GLB1: variants seen among roughly 807,000 people sequenced by gnomAD.
GLB1 encodes beta-galactosidase.
A neutral mutation model predicts 74.0 loss-of-function variants in GLB1; 56 were observed. The ratio of observed to expected loss-of-function variants is 0.76; its 90% CI spans 0.61 to 0.94. The LOEUF is 0.94. GLB1 is among the 40% of genes least tolerant of loss of function. The pLI is 0.00. For synonymous variants in GLB1, 323 were observed against 323.6 expected, an observed-to-expected ratio of 1.00 and a Z score of 0.02; for missense variants, 787 against 845.5, an observed-to-expected ratio of 0.93 and a Z score of 0.86.
chr3:32,985,104 CAAA>C, the GLB1 span, among the ~76,000 whole-genome samples: 1 of 61,982 alleles, frequency 1.6e-5, no homozygotes. Flanking sequence ...AACTCTGTCT[CAAA>C]AAAAAAAAAA....
chr3:32,971,934 AT>A, the GLB1 span, among the ~76,000 whole-genome samples: 1 of 152,218 alleles, frequency 6.6e-6, no homozygotes. Flanking sequence ...CAATCGAGCC[AT>A]CCTTCTTTCT....
chr3:33,029,632 C>T (rs532311589), intron 10 of GLB1, among the ~76,000 whole-genome samples: 6 of 152,208 alleles, frequency 3.9e-5, no homozygotes, highest in African/African-American at 1.4e-4. Flanking sequence ...AAAAAAGAAA[C>T]AAGATCATGT....
intron 9 of GLB1, among the ~76,000 whole-genome samples, chr3:33,048,165 T>A (rs1388939470): frequency 6.6e-6 from 1 of 152,058 alleles, no homozygotes; most frequent in Non-Finnish European, 1.5e-5. Context: ...GGTTGCCAGG[T>A]TGAGTTGGGA....
intron 5 of GLB1, among the ~76,000 whole-genome samples, chr3:33,060,392 T>C (rs1278930146): frequency 6.6e-6 from 1 of 152,254 alleles, no homozygotes; most frequent in African/African-American, 2.4e-5. Flanking sequence ...AGATAAATGC[T>C]AAGAAAAGCT....
At chr3:33,049,724 T>C (rs988741638) in intron 9 of GLB1, among the ~76,000 whole-genome samples, 1 of 152,154 alleles carries the variant, frequency 6.6e-6, no homozygotes, top group Non-Finnish European at 1.5e-5. Context: ...CCTGGTCACC[T>C]AGGTATTAAG....
intron 15 of GLB1, among the ~76,000 whole-genome samples, chr3:33,000,131 G>A (rs980346118): frequency 2.6e-5 from 4 of 151,206 alleles, no homozygotes; most frequent in Admixed American, 2.6e-4. Flanking sequence ...TAGAGATGAG[G>A]TTTCGCCATG....
chr3:33,002,350 TTCCTTCCTTCCTTCCA>T (rs1696612031), intron 15 of GLB1, among the ~76,000 whole-genome samples: 1 of 43,798 alleles, frequency 2.3e-5, no homozygotes, highest in Admixed American at 2.9e-4. Context: ...CCTCCCTCCC[TTCCTTCCTTCCTTCCA>T]TCCTTCCTTC....
intron 1 of GLB1, among the ~76,000 whole-genome samples, chr3:33,089,743 G>A (rs1346692623): frequency 1.3e-5 from 2 of 152,168 alleles, no homozygotes; most frequent in African/African-American, 4.8e-5. Flanking sequence ...GTCACCAGGG[G>A]CTGGAGGAAG....
In GLB1 at chr3:33,014,146, G is replaced by A. The variant is rs761482093; in HGVS notation, c.1644C>T (p.Leu548=). The A allele has an allele frequency of 5.6e-6, 9 of 1,614,094 alleles. No individual in the cohort carries two copies. The highest frequency in any genetic ancestry group is 1.3e-5 in the African/African-American group (1 of 74,938). Residue 548 remains leucine, a synonymous_variant, in exon 15 of 16, where the codon CTC becomes CTT. Transcript: ENST00000307363. The part of the protein sequence containing the change: ...AWAHNSSNYT[L]PAFYMGNFSI... ...AGAAGTTCCCCATATAAAAGGCCGG[G>A]AGCGTGTAGTTGGATGAGTTGTGGG...
intron 3 of GLB1, 114 bp downstream of exon 3, chr3:33,068,706 C>G (rs1699785341): frequency 2.5e-6 from 4 of 1,581,174 alleles, no homozygotes; most frequent in Non-Finnish European, 3.4e-6. Flanking sequence ...GTGCTGGGTA[C>G]AGTCCCAGGC....
chr3:33,018,660 A>G lies in GLB1; in HGVS notation c.1234-99T>C, dbSNP rs919396383. On this transcript the variant is annotated intron_variant, in intron 12 of 15. Coordinates refer to ENST00000307363, the MANE Select transcript of GLB1 (RefSeq NM_000404.4). ...GTATGAAAGCGATGTTTCTCAAACC[A>G]TAAGGAATGAAAATCTTCCTCCACC... is the stretch of plus-strand genomic sequence containing the variant. 3.1e-6 allele frequency: 4 copies of G among 1,310,886 alleles called. No individual in the cohort carries two copies. The East Asian group carries it at 7.5e-5, about 25-fold the overall frequency. The allele number at this position is 1,310,886 out of a possible 1,614,324, so 81.2% of individuals were successfully genotyped here.
Position 33,008,167 on chromosome 3 carries a change from T to C in GLB1, c.1734+5889A>G, listed in dbSNP as rs553199735. 1.7e-4 allele frequency among the ~76,000 whole-genome samples: 26 copies of C among 152,288 alleles called. No homozygotes were observed. The South Asian group carries it at 4.0e-3, about 23-fold the overall frequency. On this transcript the variant is annotated intron_variant, in intron 15 of 15. Coordinates refer to ENST00000307363, the MANE Select transcript of GLB1 (RefSeq NM_000404.4). Reference sequence around the variant, plus strand: ...CATCCCACACTTTTCCATTGGTCTCTACTGCATTAGGAGGGGAGAAAAAGA... The same window carrying C: ...CATCCCACACTTTTCCATTGGTCTCCACTGCATTAGGAGGGGAGAAAAAGA...
intron 15 of GLB1, among the ~76,000 whole-genome samples, chr3:33,000,070 G>T (rs955841978): frequency 6.6e-5 from 10 of 151,674 alleles, no homozygotes; most frequent in African/African-American, 2.4e-4. Flanking sequence ...CTCCCACATA[G>T]CTGGGACTAC....
intron 1 of GLB1, among the ~76,000 whole-genome samples, chr3:33,086,861 TG>T (rs1335369416): frequency 2.0e-5 from 3 of 151,718 alleles, no homozygotes; most frequent in Non-Finnish European, 4.4e-5. Flanking sequence ...TTTTAGATCC[TG>T]TTTCAAACAA....
intron 9 of GLB1, among the ~76,000 whole-genome samples, chr3:33,049,336 G>A (rs544851601): frequency 2.2e-5 from 3 of 137,758 alleles, no homozygotes; most frequent in Non-Finnish European, 5.2e-5. Flanking sequence ...CGGGATATAT[G>A]TGCAGGACGT....
At chr3:33,001,766 C>T (rs927230286) in intron 15 of GLB1, among the ~76,000 whole-genome samples, 1 of 152,154 alleles carries the variant, frequency 6.6e-6, no homozygotes, top group African/African-American at 2.4e-5. Context: ...AGAAAAGATT[C>T]GTTGAAGAGG....
At chr3:33,037,194 C>T (rs373187733) in intron 10 of GLB1, among the ~76,000 whole-genome samples, 11 of 151,782 alleles carry the variant, frequency 7.2e-5, no homozygotes, top group African/African-American at 1.7e-4. Context: ...TACAGGTGTG[C>T]GCCACCATGC....
the GLB1 span, among the ~76,000 whole-genome samples, chr3:32,965,145 T>A: frequency 1.3e-5 from 2 of 152,076 alleles, no homozygotes; most frequent in Non-Finnish European, 2.9e-5. Flanking sequence ...TGGTACCAGG[T>A]AGTGGAGCAC....
chr3:33,041,798 G>A (rs948976407), intron 10 of GLB1, among the ~76,000 whole-genome samples: 2 of 152,006 alleles, frequency 1.3e-5, no homozygotes, highest in African/African-American at 4.8e-5. Flanking sequence ...TCAGGCAGAA[G>A]AAGCAATAGA....
Sources: gnomAD v4.1 joint callset for allele counts (sites outside exome capture counted in the v4.1 genomes callset) on GRCh38, gnomAD v4.1.1 for gene constraint, MANE v1.5 for transcripts, NCBI Gene and HGNC (gene_info 2026-07-23, HGNC 2026-07-21) for gene names.